The following TET1 variants were observed in gnomAD, a reference collection of about 807,000 sequenced individuals.
TET1 encodes the protein tet methylcytosine dioxygenase 1, also known as methylcytosine dioxygenase TET1.
TET1 carries 13 observed loss-of-function variants against 148.7 expected under a neutral mutation model. That is an observed-to-expected ratio of 0.09 (90% CI 0.06 to 0.14). The LOEUF (loss-of-function observed/expected upper bound fraction) is 0.14. TET1 is among the 10% of genes least tolerant of loss of function. The pLI, the probability that TET1 is intolerant of heterozygous loss-of-function variation, is 1.00. For missense variants in TET1, 2,182 were observed against 2,553.8 expected (o/e 0.85, Z 3.14); for synonymous variants, 907 against 937.2 (o/e 0.97, Z 0.59).
At chr10:68,643,570 C>T (rs1379635690) in intron 3 of TET1, among the ~76,000 whole-genome samples, 2 of 151,984 alleles carry the variant, frequency 1.3e-5, no homozygotes, top group African/African-American at 2.4e-5. Context: ...CCTGTAATGC[C>T]AGCACTTTGG....
chr10:68,572,941 C>T lies in TET1; in HGVS notation c.603C>T (p.Ile201=), dbSNP rs1172274899. 1 of 1,614,096 alleles carries T rather than the reference C, an allele frequency of 6.2e-7. No homozygotes were observed. Among genetic ancestry groups the T allele is most frequent in the East Asian group, 2.2e-5 (1 of 44,882 alleles). The part of the protein sequence containing the change: ...FWSQRVEDSK[I]NIPTHSGPAA... ...CCCAAAGAGTTGAGGATTCCAAGAT[C>T]AATATCCCTACCCACAGTGGCCCTG... The change falls in exon 2 of 12, where the codon ATC becomes ATT. Residue 201 remains isoleucine, a synonymous_variant. Transcript: ENST00000373644.
chr10:68,627,805 A>G (rs1459146721), intron 3 of TET1, among the ~76,000 whole-genome samples: 1 of 151,272 alleles, frequency 6.6e-6, no homozygotes, highest in African/African-American at 2.4e-5. Flanking sequence ...GCGTGATGGC[A>G]GGTGCCTGTA....
intron 11 of TET1, among the ~76,000 whole-genome samples, chr10:68,689,636 T>C (rs1225453307): frequency 6.6e-6 from 1 of 151,604 alleles, no homozygotes; most frequent in Non-Finnish European, 1.5e-5. Context: ...ATTAGCTGGG[T>C]GTGGTGGTGG....
At chr10:68,649,271 T>A (rs1374974404) in intron 4 of TET1, among the ~76,000 whole-genome samples, 3 of 152,216 alleles carry the variant, frequency 2.0e-5, no homozygotes, top group Admixed American at 6.5e-5. Context: ...CCTATCCTTA[T>A]AACGAACACT....
At chr10:68,562,608 T>C (rs1167160966) in intron 1 of TET1, among the ~76,000 whole-genome samples, 1 of 152,138 alleles carries the variant, frequency 6.6e-6, no homozygotes, top group African/African-American at 2.4e-5. Flanking sequence ...ACAGTGTCCT[T>C]TTCTCTTTGC....
Position 68,637,564 on chromosome 10 carries a change from C to T in TET1, c.1969-7134C>T, listed in dbSNP as rs568647273. ...TAAGAGACAGAGCCTCATTCTCTCG[C>T]CCTCAGGCTGGAGTGCTGTGGTGCC... On this transcript the variant is annotated intron_variant, in intron 3 of 11. Transcript: ENST00000373644. Among the ~76,000 whole-genome samples, 7 of 143,436 alleles carry T rather than the reference C, an allele frequency of 4.9e-5. No homozygotes were observed. In the South Asian group the frequency reaches 1.2e-3, roughly 24 times the overall value. 94.1% of individuals were successfully genotyped at this position (143,436 alleles called of 152,430 possible). A position where few individuals can be genotyped will look rare whatever the true frequency, so the allele number is the denominator to read the frequency against.
chr10:68,640,106 T>C (rs1040097274), intron 3 of TET1, among the ~76,000 whole-genome samples: 2 of 152,076 alleles, frequency 1.3e-5, no homozygotes, highest in African/African-American at 2.4e-5. Flanking sequence ...TTTGTCTTTT[T>C]AGTAGAACCG....
chr10:68,607,035 T>A (rs1477841954), intron 3 of TET1, among the ~76,000 whole-genome samples: 4 of 152,208 alleles, frequency 2.6e-5, no homozygotes, highest in Non-Finnish European at 5.9e-5. Context: ...CGTTTATCAC[T>A]GCAGCATGTA....
intron 6 of TET1, among the ~76,000 whole-genome samples, chr10:68,652,976 T>C (rs1388117253): frequency 6.6e-6 from 1 of 151,188 alleles, no homozygotes; most frequent in African/African-American, 2.4e-5. Context: ...TTTAAGTAAA[T>C]TGGCCATTTG....
At chr10:68,667,622 C>T (rs185552576) in intron 7 of TET1, among the ~76,000 whole-genome samples, 1,926 of 151,892 alleles carry the variant, frequency 0.013, 37 homozygotes, top group African/African-American at 0.044. Context: ...CGGGCGCCTA[C>T]AGTCCCAGCT....
intron 6 of TET1, among the ~76,000 whole-genome samples, chr10:68,655,236 C>T (rs80243084): frequency 0.044 from 6,648 of 152,208 alleles, 477 homozygotes; most frequent in African/African-American, 0.15. Context: ...ATAAATCTCC[C>T]AACCTGGCTT....
intron 3 of TET1, among the ~76,000 whole-genome samples, chr10:68,631,906 GA>G (rs1240830344): frequency 1.3e-5 from 2 of 151,960 alleles, no homozygotes; most frequent in Admixed American, 6.6e-5. Context: ...TGGCTTGTCG[GA>G]TCATGAATTA....
rs140191249 is a variant in TET1 at position 68,632,608 on chromosome 10, A to AATTATG, written c.1969-12089_1969-12084dup. 6.9e-3 allele frequency: 10,962 copies of AATTATG among 1,583,732 alleles called. 631 individuals carry two copies. The African/African-American group carries it at 0.13, about 19-fold the overall frequency. On this transcript the variant is annotated intron_variant, in intron 3 of 11. Coordinates refer to ENST00000373644, the MANE Select transcript of TET1 (RefSeq NM_030625.3). ...GGGATGCTGGTTTCACTGTAGGTAT[A>AATTATG]ATTATGCAAGGCAAAGAATCCAGGA...
intron 2 of TET1, among the ~76,000 whole-genome samples, chr10:68,597,325 C>T (rs142353079): frequency 4.6e-5 from 7 of 152,242 alleles, no homozygotes; most frequent in East Asian, 3.9e-4. Flanking sequence ...TGAGCTACCA[C>T]GCCCGGCTGA....
intron 3 of TET1, chr10:68,632,844 AAAAAAAAAG>A (rs1446469651): frequency 3.7e-6 from 3 of 802,754 alleles, no homozygotes; most frequent in Non-Finnish European, 5.8e-6. Context: ...GTAAAAAAAA[AAAAAAAAAG>A]AAAGAAAACA....
chr10:68,628,143 C>T (rs1027462364), intron 3 of TET1, among the ~76,000 whole-genome samples: 7 of 152,218 alleles, frequency 4.6e-5, no homozygotes, highest in Non-Finnish European at 7.4e-5. Context: ...AGATGGGTTT[C>T]GCCATGTTGG....
At chr10:68,565,388 G>C (rs2053595389) in intron 1 of TET1, among the ~76,000 whole-genome samples, 1 of 150,668 alleles carries the variant, frequency 6.6e-6, no homozygotes, top group African/African-American at 2.4e-5. Context: ...AGCTGAGGTG[G>C]GAGGATCACT....
chr10:68,657,322 G>A (rs751983467), intron 6 of TET1, among the ~76,000 whole-genome samples: 5 of 152,140 alleles, frequency 3.3e-5, no homozygotes, highest in Admixed American at 6.5e-5. Flanking sequence ...GACTACAGGC[G>A]CCTGCCACCA....
intron 8 of TET1, among the ~76,000 whole-genome samples, chr10:68,679,793 A>G (rs1333089799): frequency 6.6e-6 from 1 of 151,730 alleles, no homozygotes; most frequent in African/African-American, 2.4e-5. Flanking sequence ...CCTGCCTCAG[A>G]CTCCCAAATA....
Sources: allele counts gnomAD v4.1 joint callset (sites outside exome capture counted in the v4.1 genomes callset), GRCh38; gene constraint gnomAD v4.1.1; transcripts MANE v1.5; gene names NCBI Gene and HGNC (gene_info 2026-07-23, HGNC 2026-07-21).